Variants in FANCC observed in about 807,000 individuals in gnomAD.
FANCC encodes FA complementation group C.
In FANCC, 55 loss-of-function variants were observed where a neutral mutation model predicts 71.3. That is an observed-to-expected ratio of 0.77 (90% CI 0.62 to 0.97). The LOEUF (loss-of-function observed/expected upper bound fraction) is 0.97, where lower values mean the gene tolerates loss of function less well. Ranked by LOEUF, FANCC falls within the 50% of genes least tolerant of loss-of-function variation. FANCC has a pLI of 0.00. For synonymous variants in FANCC, 275 were observed against 244.9 expected, an observed-to-expected ratio of 1.12 and a Z score of -1.15; for missense variants, 678 against 670.9, an observed-to-expected ratio of 1.01 and a Z score of -0.12.
intron 6 of FANCC, among the ~76,000 whole-genome samples, chr9:95,153,900 T>C (rs763591208): frequency 1.3e-5 from 2 of 152,300 alleles, no homozygotes; most frequent in South Asian, 4.1e-4. Flanking sequence ...TAATTAATTC[T>C]TTAGTACTTC....
intron 10 of FANCC, among the ~76,000 whole-genome samples, chr9:95,124,743 C>T (rs893510014): frequency 2.0e-5 from 3 of 152,164 alleles, no homozygotes; most frequent in Admixed American, 1.3e-4. Flanking sequence ...TCCTGCTGAC[C>T]TGGGAGGCTC....
At position 95,173,571 on chromosome 9, in the gene FANCC, G is replaced by T. The variant is rs1825825997; in HGVS notation, c.346-1424C>A. On this transcript the variant is annotated intron_variant, in intron 4 of 14. Coordinates refer to ENST00000289081, the MANE Select transcript of FANCC (RefSeq NM_000136.3). ...CTCATATAGTAAAAATTGTCTAACA[G>T]CAGAGAATGATTAATATGCTTATAT... Among the ~76,000 whole-genome samples the T allele has an allele frequency of 4.6e-5, 7 of 152,168 alleles. No homozygotes were observed. The South Asian group carries it at 1.4e-3, about 32-fold the overall frequency.
chr9:95,226,232 T>C (rs1431422858), intron 4 of FANCC, among the ~76,000 whole-genome samples: 3 of 152,232 alleles, frequency 2.0e-5, no homozygotes, highest in East Asian at 1.9e-4. Context: ...CAGAAAACTT[T>C]TGTGGTTTCC....
chr9:95,107,250 A>G lies in FANCC; in HGVS notation c.1349T>C (p.Leu450Pro). Residue 450 changes from leucine to proline, a missense_variant, in exon 14 of 15, where the codon CTG (leucine) becomes CCG (proline). Physicochemically the swap from Leu to Pro is moderately conservative, Grantham distance 98. Transcript: ENST00000289081. Reference sequence around the variant, plus strand: ...TCTGGACATTGCCAGGAGGTGGCCCAGCACGGCCTTCACCTGGACCTGGGC... The same window carrying G: ...TCTGGACATTGCCAGGAGGTGGCCCGGCACGGCCTTCACCTGGACCTGGGC... ...AQTMVQVKAVLGHLLAMSRSS... is the reference protein window; with the variant it reads ...AQTMVQVKAVPGHLLAMSRSS... 1 of 1,614,058 alleles carries G rather than the reference A, an allele frequency of 6.2e-7. No individual in the cohort carries two copies. Among genetic ancestry groups the G allele is most frequent in the Non-Finnish European group, 8.5e-7 (1 of 1,180,008 alleles).
chr9:95,164,377 T>A (rs1830941425), intron 6 of FANCC, among the ~76,000 whole-genome samples: 2 of 152,192 alleles, frequency 1.3e-5, no homozygotes, highest in Non-Finnish European at 2.9e-5. Context: ...TTGTTCCTGA[T>A]CTCAGCGGGA....
intron 1 of FANCC, among the ~76,000 whole-genome samples, chr9:95,308,532 C>T (rs373394936): frequency 1.3e-5 from 2 of 152,042 alleles, no homozygotes; most frequent in African/African-American, 2.4e-5. Flanking sequence ...GTGATCCACC[C>T]GCCTTGGCCT....
At chr9:95,272,703 C>T (rs911597453) in intron 1 of FANCC, among the ~76,000 whole-genome samples, 20 of 152,086 alleles carry the variant, frequency 1.3e-4, no homozygotes, top group African/African-American at 4.8e-4. Context: ...TCTCAAAAAA[C>T]AAAACCAAAA....
intron 1 of FANCC, among the ~76,000 whole-genome samples, chr9:95,254,036 G>A (rs770372790): frequency 2.0e-5 from 3 of 152,134 alleles, no homozygotes; most frequent in Non-Finnish European, 2.9e-5. Flanking sequence ...GTTCCTAACA[G>A]GCCACGGACT....
chr9:95,294,312 C>T (rs1834244017), intron 1 of FANCC: 2 of 1,584,958 alleles, frequency 1.3e-6, no homozygotes, highest in Non-Finnish European at 1.7e-6. Context: ...AACTTAGCAC[C>T]ATGAACACTG....
intron 6 of FANCC, among the ~76,000 whole-genome samples, chr9:95,167,052 G>A (rs1825346603): frequency 6.6e-6 from 1 of 152,002 alleles, no homozygotes; most frequent in African/African-American, 2.4e-5. Flanking sequence ...ATTTTTTGAA[G>A]GATGATTTAG....
chr9:95,310,646 T>C (rs1386705149), intron 1 of FANCC, among the ~76,000 whole-genome samples: 1 of 152,000 alleles, frequency 6.6e-6, no homozygotes, highest in Non-Finnish European at 1.5e-5. Context: ...GACGAATCAA[T>C]AAAACACACT....
chr9:95,141,198 G>C (rs1346141994), intron 7 of FANCC, among the ~76,000 whole-genome samples: 1 of 150,472 alleles, frequency 6.6e-6, no homozygotes, highest in Non-Finnish European at 1.5e-5. Flanking sequence ...TGTAGTCCCA[G>C]CCACTCGGGA....
intron 4 of FANCC, among the ~76,000 whole-genome samples, chr9:95,226,862 T>C (rs994022928): frequency 6.6e-6 from 1 of 152,018 alleles, no homozygotes; most frequent in Non-Finnish European, 1.5e-5. Flanking sequence ...CACACCCCCA[T>C]CCCATAGTGG....
At chr9:95,267,833 A>C (rs907495534) in intron 1 of FANCC, among the ~76,000 whole-genome samples, 1 of 152,228 alleles carries the variant, frequency 6.6e-6, no homozygotes, top group Non-Finnish European at 1.5e-5. Context: ...AAAAAAATCA[A>C]CTGCAAAGTA....
chr9:95,247,331 T>TAA (rs529124256), intron 3 of FANCC, 101 bp downstream of exon 3: 1,505 of 741,276 alleles, frequency 2.0e-3, no homozygotes, highest in Non-Finnish European at 2.5e-3. Flanking sequence ...GTTGTTCCAT[T>TAA]AAAAAAAAAA....
At chr9:95,142,232 A>T (rs1034169255) in intron 7 of FANCC, among the ~76,000 whole-genome samples, 21 of 151,972 alleles carry the variant, frequency 1.4e-4, no homozygotes, top group Non-Finnish European at 2.1e-4. Flanking sequence ...ACCTCAGGTG[A>T]TCCACCTGCC....
chr9:95,312,117 G>A (rs1835443761), intron 1 of FANCC, among the ~76,000 whole-genome samples: 1 of 152,170 alleles, frequency 6.6e-6, no homozygotes, highest in Non-Finnish European at 1.5e-5. Flanking sequence ...TGGAAAGGCA[G>A]TTTCATCACT....
chr9:95,180,338 T>G (rs961992406), intron 4 of FANCC, among the ~76,000 whole-genome samples: 4 of 126,814 alleles, frequency 3.2e-5, no homozygotes, highest in African/African-American at 8.8e-5. Flanking sequence ...TACAGTTAAC[T>G]CTTTTTTTTT....
intron 7 of FANCC, among the ~76,000 whole-genome samples, chr9:95,149,012 C>T (rs902845252): frequency 7.2e-5 from 11 of 152,098 alleles, no homozygotes; most frequent in African/African-American, 2.4e-4. Context: ...GAGAATTCAG[C>T]AGTCTTAGGG....
Sources: allele counts gnomAD v4.1 joint callset (sites outside exome capture counted in the v4.1 genomes callset), GRCh38; gene constraint gnomAD v4.1.1; transcripts MANE v1.5; gene names NCBI Gene and HGNC (gene_info 2026-07-23, HGNC 2026-07-21).